The following CHODL variants were observed in gnomAD, a reference collection of about 807,000 sequenced individuals.
CHODL encodes the protein chondrolectin.
CHODL carries 29 observed loss-of-function variants against 34.5 expected under a neutral mutation model. The ratio of observed to expected loss-of-function variants is 0.84; its 90% CI spans 0.63 to 1.15. CHODL has a LOEUF of 1.15. CHODL is among the 50% of genes most tolerant of loss of function. The pLI, the probability that CHODL is intolerant of heterozygous loss-of-function variation, is 0.00. For synonymous variants in CHODL, 125 were observed against 116.1 expected, an observed-to-expected ratio of 1.08 and a Z score of -0.49; for missense variants, 332 against 332.5, an observed-to-expected ratio of 1.00 and a Z score of 0.01.
chr21:17,942,058 A>G (rs2063368947), intron 1 of CHODL, among the ~76,000 whole-genome samples: 1 of 152,188 alleles, frequency 6.6e-6, no homozygotes, highest in Non-Finnish European at 1.5e-5. Context: ...TGGGGGGAAT[A>G]CAAACATTCA....
chr21:18,191,763 C>T (rs1031921087), intron 2 of CHODL, among the ~76,000 whole-genome samples: 2 of 152,124 alleles, frequency 1.3e-5, no homozygotes, highest in African/African-American at 4.8e-5. Context: ...GTCACACTCA[C>T]AAAATCAGGG....
chr21:18,204,302 CT>C (rs535605185), intron 2 of CHODL, among the ~76,000 whole-genome samples: 1 of 152,038 alleles, frequency 6.6e-6, no homozygotes, highest in East Asian at 1.9e-4. Flanking sequence ...CCTGCATCTT[CT>C]TTTTTGTGTT....
intron 2 of CHODL, among the ~76,000 whole-genome samples, chr21:18,062,048 C>A (rs1568866584): frequency 6.6e-6 from 1 of 151,972 alleles, no homozygotes; most frequent in South Asian, 2.1e-4. Flanking sequence ...GAAGACAAGG[C>A]AAGTGAAGTT....
rs563102445 is a variant in CHODL, at chr21:18,044,273, C to T, written c.-45+16302C>T. On this transcript the variant is annotated intron_variant, in intron 2 of 6. Coordinates refer to the CHODL transcript ENST00000400127. The stretch of plus-strand genomic sequence containing the variant: ...GAATTGTGTGATTTCAATAATTTCA[C>T]ATACAAATGCTCTTGTATTTACATT... Among the ~76,000 whole-genome samples, 24 of 152,074 alleles carry T rather than the reference C, an allele frequency of 1.6e-4. No individual in the cohort carries two copies. In the South Asian group the frequency reaches 2.5e-3, roughly 16 times the overall value.
At chr21:18,251,516 A>T (rs867335696) in intron 1 of CHODL, among the ~76,000 whole-genome samples, 1 of 37,914 alleles carries the variant, frequency 2.6e-5, no homozygotes, top group South Asian at 8.9e-4. Context: ...TTTAATATAT[A>T]AAATATTTAT....
In CHODL at chr21:18,245,078, C is replaced by T; in HGVS notation, c.-146C>T. Reference sequence around the variant, plus strand: ...GCAGGTCCCGGCCGAAGGCGATGCGCGCAGGGGGTCGGGCAGCTGGGCTCG... The same window carrying T: ...GCAGGTCCCGGCCGAAGGCGATGCGTGCAGGGGGTCGGGCAGCTGGGCTCG... On this transcript the variant is annotated 5_prime_UTR_variant, in exon 1 of 6. Coordinates refer to ENST00000299295, the MANE Select transcript of CHODL (RefSeq NM_024944.3). 1 of 627,516 alleles carries T rather than the reference C, an allele frequency of 1.6e-6. No homozygotes were observed. The highest frequency in any genetic ancestry group is 2.5e-6 in the Non-Finnish European group (1 of 402,504). 38.9% of individuals were successfully genotyped at this position (627,516 alleles called of 1,614,324 possible).
At chr21:18,072,175 AAAC>A (rs561245806) in intron 2 of CHODL, among the ~76,000 whole-genome samples, 1,962 of 151,610 alleles carry the variant, frequency 0.013, 25 homozygotes, top group South Asian at 0.019. Context: ...TTCTGATTAA[AAAC>A]AACGTTAATT....
chr21:17,995,832 C>A (rs1423476504), intron 1 of CHODL, among the ~76,000 whole-genome samples: 1 of 152,210 alleles, frequency 6.6e-6, no homozygotes, highest in Non-Finnish European at 1.5e-5. Context: ...GGAATCAGTT[C>A]TTTCAACCTC....
At chr21:18,134,154 T>G (rs1410783435) in intron 2 of CHODL, among the ~76,000 whole-genome samples, 2 of 152,186 alleles carry the variant, frequency 1.3e-5, no homozygotes, top group East Asian at 3.8e-4. Flanking sequence ...TTTTATATAT[T>G]CACATCTATG....
intron 2 of CHODL, chr21:18,134,229 C>G (rs1727004903): frequency 4.3e-6 from 2 of 464,134 alleles, no homozygotes; most frequent in Admixed American, 2.3e-5. Flanking sequence ...CTTTTGTTAT[C>G]TAGGTGTGCA....
At chr21:18,119,576 A>G (rs2065455104) in intron 2 of CHODL, among the ~76,000 whole-genome samples, 1 of 152,140 alleles carries the variant, frequency 6.6e-6, no homozygotes, top group Non-Finnish European at 1.5e-5. Flanking sequence ...GCATTTCTGA[A>G]TGGGTAGGTC....
chr21:17,981,037 C>A lies in CHODL; in HGVS notation c.-144-46835C>A, dbSNP rs541045114. Among the ~76,000 whole-genome samples, 8 of 152,178 alleles carry A rather than the reference C, an allele frequency of 5.3e-5. No homozygotes were observed. In the South Asian group the frequency reaches 1.2e-3, roughly 24 times the overall value. On this transcript the variant is annotated intron_variant, in intron 1 of 6. Coordinates refer to the CHODL transcript ENST00000400127. Reference sequence around the variant, plus strand: ...GATAATTTATGTAAAGCTTACCCTGCACATTTTGGTCCCATTGTAACCAGT... The same window carrying A: ...GATAATTTATGTAAAGCTTACCCTGAACATTTTGGTCCCATTGTAACCAGT...
chr21:18,080,263 A>G (rs192602608), intron 2 of CHODL, among the ~76,000 whole-genome samples: 2 of 152,246 alleles, frequency 1.3e-5, no homozygotes, highest in Admixed American at 6.5e-5. Flanking sequence ...GTTTGTAAAT[A>G]TCTTCTTCCA....
chr21:18,251,648 A>AT (rs2074252349), intron 1 of CHODL, among the ~76,000 whole-genome samples: 1 of 127,506 alleles, frequency 7.8e-6, no homozygotes, highest in African/African-American at 3.1e-5. Context: ...ATTTTAATAT[A>AT]TAAAATATTT....
chr21:18,253,838 A>AT (rs1316738503), intron 1 of CHODL, among the ~76,000 whole-genome samples: 1 of 152,016 alleles, frequency 6.6e-6, no homozygotes, highest in Middle Eastern at 3.2e-3. Context: ...ATTTGTTCAG[A>AT]TTTTTTAGTG....
chr21:18,201,241 T>A (rs929330623), intron 2 of CHODL, among the ~76,000 whole-genome samples: 4 of 152,230 alleles, frequency 2.6e-5, no homozygotes, highest in Non-Finnish European at 5.9e-5. Flanking sequence ...AATTATTTTT[T>A]ATTTCACTAC....
intron 1 of CHODL, among the ~76,000 whole-genome samples, chr21:18,006,086 C>G (rs2063958060): frequency 6.6e-6 from 1 of 152,178 alleles, no homozygotes; most frequent in South Asian, 2.1e-4. Flanking sequence ...ATTCTCTCTG[C>G]CTGCCGCCAT....
At chr21:18,145,574 G>A (rs2072874159) in intron 2 of CHODL, among the ~76,000 whole-genome samples, 1 of 152,058 alleles carries the variant, frequency 6.6e-6, no homozygotes, top group African/African-American at 2.4e-5. Context: ...AATGGAGGGT[G>A]GGCTGTTAAA....
chr21:18,126,448 A>G (rs182033526), intron 2 of CHODL, among the ~76,000 whole-genome samples: 4 of 152,364 alleles, frequency 2.6e-5, no homozygotes, highest in Admixed American at 2.6e-4. Flanking sequence ...TCACTTTATT[A>G]CGGTTGTCTA....
Sources: gnomAD v4.1 joint callset for allele counts (sites outside exome capture counted in the v4.1 genomes callset) on GRCh38, gnomAD v4.1.1 for gene constraint, MANE v1.5 for transcripts, NCBI Gene and HGNC (gene_info 2026-07-23, HGNC 2026-07-21) for gene names.